The following ZBTB4 variants were observed in gnomAD, a reference collection of about 807,000 sequenced individuals.
ZBTB4 encodes the protein zinc finger and BTB domain-containing protein 4.
In ZBTB4, 14 loss-of-function variants were observed where a neutral mutation model predicts 59.8. That is an observed-to-expected ratio of 0.23 (90% CI 0.15 to 0.37). The LOEUF is 0.37. Ranked by LOEUF, ZBTB4 falls within the 10% of genes least tolerant of loss-of-function variation. ZBTB4 has a pLI of 1.00. For synonymous variants in ZBTB4, 587 were observed against 575.2 expected, an observed-to-expected ratio of 1.02 and a Z score of -0.29; for missense variants, 1,198 against 1,380.8, an observed-to-expected ratio of 0.87 and a Z score of 2.10.
At chr17:7,479,390 CG>C (rs1268033700) in intron 1 of ZBTB4, 65 bp downstream of exon 1, 1 of 152,958 alleles carries the variant, frequency 6.5e-6, no homozygotes, top group Non-Finnish European at 1.5e-5. Context: ...CGCCGGGCAG[CG>C]GAGAGGGGGC....
intron 3 of ZBTB4, among the ~76,000 whole-genome samples, chr17:7,464,447 A>C (rs895508132): frequency 3.7e-4 from 56 of 151,456 alleles, no homozygotes; most frequent in African/African-American, 1.2e-3. Context: ...AAAAAAAAAA[A>C]AAAAACCTCA....
At chr17:7,468,917 G>C (rs1404089053) in intron 1 of ZBTB4, among the ~76,000 whole-genome samples, 1 of 152,158 alleles carries the variant, frequency 6.6e-6, no homozygotes, top group Non-Finnish European at 1.5e-5. Context: ...TAACAACCCT[G>C]TCTGCCAGGG....
intron 1 of ZBTB4, among the ~76,000 whole-genome samples, chr17:7,469,436 G>A (rs2070169267): frequency 6.6e-6 from 1 of 150,828 alleles, no homozygotes. Context: ...AAAGTGCTGG[G>A]ATTATGGGCG....
chr17:7,467,993 G>C (rs1194834819), intron 1 of ZBTB4, among the ~76,000 whole-genome samples: 7 of 152,212 alleles, frequency 4.6e-5, no homozygotes, highest in Non-Finnish European at 8.8e-5. Flanking sequence ...GCCTTACTCA[G>C]AGACCTGATG....
At chr17:7,478,312 C>T (rs2150866827) in intron 1 of ZBTB4, among the ~76,000 whole-genome samples, 1 of 152,296 alleles carries the variant, frequency 6.6e-6, no homozygotes, top group Middle Eastern at 3.4e-3. Flanking sequence ...TCGAGCCCCT[C>T]ACACCAGTGC....
At position 7,461,858 on chromosome 17, in the gene ZBTB4, G is replaced by C; in HGVS notation, c.*82C>G. ...ACAAGAGTGTGAAGGGGCTCCCAAGGGGCAGGGAGGCCAGGGAGCTGGTAG... is the reference window on the plus strand; with the variant it reads ...ACAAGAGTGTGAAGGGGCTCCCAAGCGGCAGGGAGGCCAGGGAGCTGGTAG... On this transcript the variant is annotated 3_prime_UTR_variant, in exon 4 of 4. Transcript: ENST00000380599. The C allele has an allele frequency of 7.7e-7, 1 of 1,305,698 alleles. No individual in the cohort carries two copies. The highest frequency in any genetic ancestry group is 1.1e-6 in the Non-Finnish European group (1 of 948,864). The allele number at this position is 1,305,698 out of a possible 1,614,324, so 80.9% of individuals were successfully genotyped here.
At chr17:7,463,915 G>A (rs2070074437) in intron 3 of ZBTB4, 25 bp from the exon 4 acceptor site, 1 of 1,595,892 alleles carries the variant, frequency 6.3e-7, no homozygotes, top group Non-Finnish European at 8.5e-7. Flanking sequence ...CAGGGAATAG[G>A]GCAGGAACAC....
In ZBTB4 at chr17:7,466,437, G is replaced by C; in HGVS notation, c.365C>G (p.Pro122Arg). The C allele has an allele frequency of 9.9e-6, 16 of 1,613,602 alleles. No individual in the cohort carries two copies. The highest frequency in any genetic ancestry group is 1.4e-5 in the Non-Finnish European group (16 of 1,179,854). ...TCCTGGCAACTCCAGGACCCGGGGT[G>C]GGGAAGAAGCAGGGGGAGAGGCTGG... is the stretch of plus-strand genomic sequence containing the variant. ...PPPASPPASS[P>R]PRVLELPGVP... Residue 122 changes from proline to arginine, a missense_variant, in exon 3 of 4, where the codon CCA (proline) becomes CGA (arginine). Transcript: ENST00000380599. This position sits in a 1 kb window ranked among gnomAD's most constrained non-coding sequence, Gnocchi z 9.1.
rs768004606 is a variant in ZBTB4 at position 7,466,754 on chromosome 17, G to T, written c.48C>A (p.Val16=). The T allele has an allele frequency of 5.0e-6, 8 of 1,590,256 alleles. No homozygotes were observed. The Admixed American group carries it at 1.5e-4, about 29-fold the overall frequency. Reference sequence around the variant, plus strand: ...GCCGCTGTTCATTGAGCTGGCGCAGGACGGCGGGGGCATGGGACGGGTCCG... The same window carrying T: ...GCCGCTGTTCATTGAGCTGGCGCAGTACGGCGGGGGCATGGGACGGGTCCG... ...EVTDPSHAPA[V]LRQLNEQRLR... is the part of the protein sequence containing the mutation. Residue 16 remains valine, a synonymous_variant, in exon 3 of 4, where the codon GTC becomes GTA. Transcript: ENST00000380599. This position sits in a 1 kb window ranked among gnomAD's most constrained non-coding sequence, Gnocchi z 9.1.
intron 1 of ZBTB4, among the ~76,000 whole-genome samples, chr17:7,476,457 G>C (rs3867595): frequency 0.014 from 2,148 of 152,232 alleles, 22 homozygotes; most frequent in Non-Finnish European, 0.021. Context: ...AGTCCAGCCT[G>C]GGCAATATAT....
Position 7,463,319 on chromosome 17 carries a change from C to T in ZBTB4, c.1663G>A (p.Glu555Lys). Residue 555 changes from glutamate to lysine, a missense_variant, in exon 4 of 4, where the codon GAG (glutamate) becomes AAG (lysine). Glu to Lys is a moderately conservative substitution (Grantham distance 56, BLOSUM62 1). This residue lies in a region of ZBTB4 where 550 missense variants were observed against 541.8 expected (regional missense o/e 1.02). Transcript: ENST00000380599. ...CGTGGATTCCGGCCCTTGGCCTCCT[C>T]CGTGGTGGTGGCCATGGCTGGCCCT... ...AAGPAMATTT[E>K]EAKGRNPRAG... 3 of 1,609,008 alleles carry T rather than the reference C, an allele frequency of 1.9e-6. No homozygotes were observed. Among genetic ancestry groups the T allele is most frequent in the South Asian group, 1.1e-5 (1 of 90,018 alleles).
chr17:7,460,622 A>G lies in ZBTB4; in HGVS notation c.*1318T>C, dbSNP rs1422656307. On this transcript the variant is annotated 3_prime_UTR_variant, in exon 4 of 4. Coordinates refer to ENST00000380599, the MANE Select transcript of ZBTB4 (RefSeq NM_001128833.2). ...ACAGAGCAGGGAGGCCCAGTTTTCA[A>G]AGAGAATTAGGAGCAAACATTTATC... is the stretch of plus-strand genomic sequence containing the variant. 1 of 152,558 alleles carries G rather than the reference A, an allele frequency of 6.6e-6. No homozygotes were observed. The highest frequency in any genetic ancestry group is 2.4e-5 in the African/African-American group (1 of 41,438). 9.5% of individuals were successfully genotyped at this position (152,558 alleles called of 1,614,324 possible). A position where few individuals can be genotyped will look rare whatever the true frequency, so the allele number is the denominator to read the frequency against.
intron 1 of ZBTB4, among the ~76,000 whole-genome samples, chr17:7,476,041 G>A (rs979162661): frequency 1.3e-5 from 2 of 152,146 alleles, no homozygotes; most frequent in Non-Finnish European, 1.5e-5. Flanking sequence ...AATCGCCGCC[G>A]AGCTTGGGAA....
At chr17:7,482,273 C>T (rs2070354503), upstream of ZBTB4, 3 of 1,614,048 alleles carry the variant, frequency 1.9e-6, no homozygotes, top group Middle Eastern at 1.7e-4. Flanking sequence ...CCTTCTGGGA[C>T]CTCCTGACAT....
At chr17:7,474,268 T>G (rs2070239660) in intron 1 of ZBTB4, among the ~76,000 whole-genome samples, 1 of 136,566 alleles carries the variant, frequency 7.3e-6, no homozygotes, top group South Asian at 2.4e-4. Context: ...CAGGCTGTAG[T>G]GCAGTGGTGT....
At position 7,473,086 on chromosome 17, in the gene ZBTB4, C is replaced by A. The variant is rs534146352; in HGVS notation, c.-80-5759G>T. Among the ~76,000 whole-genome samples the A allele has an allele frequency of 9.5e-5, 14 of 147,316 alleles. 1 individual carries two copies. The East Asian group carries it at 2.6e-3, about 27-fold the overall frequency. ...TCTCCTGCCTCAACCTCACGAGTCA[C>A]TGGGACTATAGGCGCGCGCCACCAT... On this transcript the variant is annotated intron_variant, in intron 1 of 3. Transcript: ENST00000380599.
upstream of ZBTB4, chr17:7,482,407 C>G (rs781052017): frequency 6.2e-7 from 1 of 1,613,910 alleles, no homozygotes; most frequent in African/African-American, 1.3e-5. Flanking sequence ...CCACCGTCTG[C>G]TCCGCCGTCC....
intron 3 of ZBTB4, among the ~76,000 whole-genome samples, chr17:7,464,885 G>A (rs563391412): frequency 8.7e-5 from 13 of 149,594 alleles, no homozygotes; most frequent in African/African-American, 2.2e-4. Flanking sequence ...CGCCGGGCGC[G>A]GTGGCTCATG....
chr17:7,463,916 G>T, intron 3 of ZBTB4, 26 bp from the exon 4 acceptor site: 1 of 1,595,064 alleles, frequency 6.3e-7, no homozygotes, highest in Non-Finnish European at 8.5e-7. Context: ...AGGGAATAGG[G>T]CAGGAACACA....
Sources: gnomAD v4.1 joint callset for allele counts (sites outside exome capture counted in the v4.1 genomes callset) on GRCh38, gnomAD v4.1.1 for gene constraint, gnomAD v4.1.1 regional missense constraint, Gnocchi (gnomAD v3.1) non-coding constraint, MANE v1.5 for transcripts, NCBI Gene and HGNC (gene_info 2026-07-23, HGNC 2026-07-21) for gene names.